HS3ST3B1: variants seen among roughly 807,000 people sequenced by gnomAD.
The protein encoded by HS3ST3B1 is heparan sulfate-glucosamine 3-sulfotransferase 3B1, also known as heparan sulfate glucosamine 3-O-sulfotransferase 3B1.
HS3ST3B1 carries 13 observed loss-of-function variants against 21.3 expected under a neutral mutation model. The ratio of observed to expected loss-of-function variants is 0.61; its 90% CI spans 0.40 to 0.97. The LOEUF (loss-of-function observed/expected upper bound fraction) is 0.97. HS3ST3B1 is among the 50% of genes least tolerant of loss of function. HS3ST3B1 has a pLI of 0.00. For synonymous variants in HS3ST3B1, 234 were observed against 254.8 expected (o/e 0.92, Z 0.78); for missense variants, 459 against 554.8 (o/e 0.83, Z 1.73).
In HS3ST3B1 at chr17:14,303,892, G is replaced by C. The variant is rs1456573200; in HGVS notation, c.554+1820G>C. ...CACTTGGGCCGGGTTGGGAGGAACTGGCAGGAAAAGGACTGAACCCTTAAT... is the reference window on the plus strand; with the variant it reads ...CACTTGGGCCGGGTTGGGAGGAACTCGCAGGAAAAGGACTGAACCCTTAAT... On this transcript the variant is annotated intron_variant, in intron 1 of 1. Transcript: ENST00000360954. The surrounding 1 kb of genome is among the most constrained non-coding windows in gnomAD (Gnocchi z 5.7). 6.6e-6 allele frequency: 1 copy of C among 152,318 alleles called. No individual in the cohort carries two copies. The highest frequency in any genetic ancestry group is 1.5e-5 in the Non-Finnish European group (1 of 68,162). 9.4% of individuals were successfully genotyped at this position (152,318 alleles called of 1,614,324 possible). A position where few individuals can be genotyped will look rare whatever the true frequency, so the allele number is the denominator to read the frequency against.
At chr17:14,336,771 T>C (rs1291087356) in intron 1 of HS3ST3B1, among the ~76,000 whole-genome samples, 1 of 152,236 alleles carries the variant, frequency 6.6e-6, no homozygotes, top group Non-Finnish European at 1.5e-5. Flanking sequence ...CATTAATTCA[T>C]CTTACTTTCA....
intron 1 of HS3ST3B1, among the ~76,000 whole-genome samples, chr17:14,334,578 T>C (rs1230189723): frequency 6.6e-6 from 1 of 152,170 alleles, no homozygotes; most frequent in Non-Finnish European, 1.5e-5. Context: ...CCATTATCAA[T>C]ATTTCCTACC....
At chr17:14,310,694 C>A (rs1909278646) in intron 1 of HS3ST3B1, among the ~76,000 whole-genome samples, 1 of 152,202 alleles carries the variant, frequency 6.6e-6, no homozygotes, top group African/African-American at 2.4e-5. Flanking sequence ...GCAGCCTCTC[C>A]CTGCCGGTCC....
chr17:14,320,891 T>C (rs1466432294), intron 1 of HS3ST3B1, among the ~76,000 whole-genome samples: 1 of 152,170 alleles, frequency 6.6e-6, no homozygotes, highest in Non-Finnish European at 1.5e-5. Context: ...AATTAAGAGG[T>C]GGCTCTGCAG....
chr17:14,319,692 T>C (rs1466765834), intron 1 of HS3ST3B1, among the ~76,000 whole-genome samples: 6 of 152,006 alleles, frequency 3.9e-5, no homozygotes, highest in Non-Finnish European at 8.8e-5. Context: ...TTAATAAAAA[T>C]ATAATGTCAC....
chr17:14,346,756 A>G lies in HS3ST3B1; in HGVS notation c.*1110A>G, dbSNP rs1463323733. On this transcript the variant is annotated 3_prime_UTR_variant, in exon 2 of 2. Transcript: ENST00000360954. Reference sequence around the variant, plus strand: ...ATCAAGATGATCTCCTTTAATTTGCATGAAACTACACCATGCTGCGTTCCC... The same window carrying G: ...ATCAAGATGATCTCCTTTAATTTGCGTGAAACTACACCATGCTGCGTTCCC... The G allele has an allele frequency of 6.6e-6, 1 of 152,226 alleles. No homozygotes were observed. The highest frequency in any genetic ancestry group is 2.1e-4 in the South Asian group (1 of 4,832). The allele number at this position is 152,226 out of a possible 1,614,324, so 9.4% of individuals were successfully genotyped here. A position where few individuals can be genotyped will look rare whatever the true frequency, so the allele number is the denominator to read the frequency against.
chr17:14,326,875 C>T (rs144852637), intron 1 of HS3ST3B1, among the ~76,000 whole-genome samples: 1,939 of 140,510 alleles, frequency 0.014, 37 homozygotes, highest in African/African-American at 0.04. Context: ...GAGCAGAGAT[C>T]GTGCCACTGC....
chr17:14,309,649 GTCGAGCCTA>G (rs1400398382), intron 1 of HS3ST3B1, among the ~76,000 whole-genome samples: 1 of 152,214 alleles, frequency 6.6e-6, no homozygotes, highest in Non-Finnish European at 1.5e-5. Context: ...CGCTTTCCAA[GTCGAGCCTA>G]TCAGCTGTTC....
chr17:14,321,330 T>C (rs1396728405), intron 1 of HS3ST3B1, among the ~76,000 whole-genome samples: 2 of 152,252 alleles, frequency 1.3e-5, no homozygotes, highest in Non-Finnish European at 2.9e-5. Context: ...GGTTTAGCAG[T>C]ACTAATTTAT....
chr17:14,316,063 C>T (rs1243607471), intron 1 of HS3ST3B1, among the ~76,000 whole-genome samples: 2 of 152,152 alleles, frequency 1.3e-5, no homozygotes, highest in African/African-American at 4.8e-5. Flanking sequence ...ATTCGCCAAA[C>T]ATGTTTCTGA....
chr17:14,301,792 G>T lies in HS3ST3B1; in HGVS notation c.274G>T (p.Ala92Ser). The T allele has an allele frequency of 1.3e-6, 2 of 1,555,970 alleles. No homozygotes were observed. Among genetic ancestry groups the T allele is most frequent in the East Asian group, 4.8e-5 (2 of 41,932 alleles). ...DGTPPRLPFR[A>S]PPATPLASGK... ...GACGCCCCCCAGGCTGCCGTTCCGG[G>T]CGCCGCCAGCCACCCCACTGGCTTC... Residue 92 changes from alanine (A) to serine (S), a missense_variant, in exon 1 of 2, where the codon GCG becomes TCG. Ala to Ser is a moderately conservative substitution (Grantham distance 99). Around this residue, in one of 3 missense-constraint regions of HS3ST3B1, gnomAD observed 317 missense variants for 278.6 expected, o/e 1.14. Coordinates refer to ENST00000360954, the MANE Select transcript of HS3ST3B1 (RefSeq NM_006041.3).
chr17:14,334,660 C>T (rs1283491329), intron 1 of HS3ST3B1, among the ~76,000 whole-genome samples: 5 of 152,146 alleles, frequency 3.3e-5, no homozygotes, highest in Non-Finnish European at 7.3e-5. Flanking sequence ...CACTGGGGTT[C>T]ACTGGTGGTG....
rs1353831435 is a variant in HS3ST3B1 at position 14,301,729 on chromosome 17, G to T, written c.211G>T (p.Ala71Ser). 1.3e-6 allele frequency: 2 copies of T among 1,599,562 alleles called. No individual in the cohort carries two copies. Among genetic ancestry groups the T allele is most frequent in the Admixed American group, 1.7e-5 (1 of 58,826 alleles). Residue 71 changes from alanine to serine, a missense_variant, in exon 1 of 2, where the codon GCA becomes TCA. Ala to Ser is a moderately conservative substitution (Grantham distance 99). Around this residue, in one of 3 missense-constraint regions of HS3ST3B1, gnomAD observed 317 missense variants for 278.6 expected, o/e 1.14. Coordinates refer to ENST00000360954, the MANE Select transcript of HS3ST3B1 (RefSeq NM_006041.3). ...GCTCCTGGGCTCTGGGTCCCGCGCC[G>T]CACACGACCCGCCAGCCCTGGCCAC... ...LLLLGSGSRA[A>S]HDPPALATAP...
chr17:14,325,140 T>A (rs1909768817), intron 1 of HS3ST3B1, among the ~76,000 whole-genome samples: 1 of 152,192 alleles, frequency 6.6e-6, no homozygotes, highest in Non-Finnish European at 1.5e-5. Context: ...TGACTGTTCT[T>A]GGTATTAAGC....
intron 1 of HS3ST3B1, among the ~76,000 whole-genome samples, chr17:14,306,658 A>G (rs1261999210): frequency 6.6e-6 from 1 of 152,096 alleles, no homozygotes; most frequent in African/African-American, 2.4e-5. Context: ...ATTGCCTCCT[A>G]TTTTTCTAGT....
chr17:14,331,263 A>G (rs931445500), intron 1 of HS3ST3B1, among the ~76,000 whole-genome samples: 1 of 151,956 alleles, frequency 6.6e-6, no homozygotes. Flanking sequence ...CTCACCCGCA[A>G]AAGACTATTA....
intron 1 of HS3ST3B1, among the ~76,000 whole-genome samples, chr17:14,340,841 CT>C (rs1336374050): frequency 6.6e-6 from 1 of 152,180 alleles, no homozygotes; most frequent in African/African-American, 2.4e-5. Context: ...CCTCAGCCTC[CT>C]AAAGTGCTGG....
At chr17:14,339,261 A>G (rs934834783) in intron 1 of HS3ST3B1, among the ~76,000 whole-genome samples, 1 of 152,180 alleles carries the variant, frequency 6.6e-6, no homozygotes, top group Non-Finnish European at 1.5e-5. Context: ...GGCAGTTAAC[A>G]ATGGGATCAT....
chr17:14,339,139 A>G (rs982851787), intron 1 of HS3ST3B1, among the ~76,000 whole-genome samples: 2 of 152,110 alleles, frequency 1.3e-5, no homozygotes, highest in Non-Finnish European at 2.9e-5. Flanking sequence ...GTGCTTTTCA[A>G]AAAGGTATCC....
Sources: allele counts gnomAD v4.1 joint callset (sites outside exome capture counted in the v4.1 genomes callset), GRCh38; gene constraint gnomAD v4.1.1; regional missense constraint gnomAD v4.1.1; non-coding constraint Gnocchi (gnomAD v3.1); transcripts MANE v1.5; gene names NCBI Gene and HGNC (gene_info 2026-07-23, HGNC 2026-07-21).